FANK1: variants seen among roughly 807,000 people sequenced by gnomAD.
FANK1 encodes the protein fibronectin type III and ankyrin repeat domains 1, also known as fibronectin type 3 and ankyrin repeat domains protein 1.
A neutral mutation model predicts 45.3 loss-of-function variants in FANK1; 44 were observed. The observed-to-expected ratio is 0.97, with a 90% confidence interval of 0.76 to 1.25. The LOEUF is 1.25. Among genes scored for constraint, FANK1 ranks in the 50% most tolerant of loss-of-function variants. The pLI, the probability that FANK1 is intolerant of heterozygous loss-of-function variation, is 0.00. For missense variants in FANK1, 391 were observed against 424.4 expected (o/e 0.92, Z 0.69); for synonymous variants, 149 against 152.5 (o/e 0.98, Z 0.17).
At position 125,983,405 on chromosome 10, in the gene FANK1, T is replaced by A. The variant is rs560411761; in HGVS notation, c.191+3067T>A. ...CTGGGGATACGGCACTGGGAAAAAATTCCTCCCTCATGATGATGAAGGCAA... is the reference window on the plus strand; with the variant it reads ...CTGGGGATACGGCACTGGGAAAAAAATCCTCCCTCATGATGATGAAGGCAA... On this transcript the variant is annotated intron_variant, in intron 2 of 10. Coordinates refer to ENST00000368693, the MANE Select transcript of FANK1 (RefSeq NM_145235.5). The surrounding 1 kb of genome is among the most constrained non-coding windows in gnomAD (Gnocchi z 4.3). 6.6e-6 allele frequency among the ~76,000 whole-genome samples: 1 copy of A among 152,080 alleles called. No homozygotes were observed. Among genetic ancestry groups the A allele is most frequent in the Non-Finnish European group, 1.5e-5 (1 of 68,010 alleles).
intron 1 of FANK1, among the ~76,000 whole-genome samples, chr10:125,896,889 A>T (rs1944575276): frequency 6.6e-6 from 1 of 152,028 alleles, no homozygotes. Flanking sequence ...GGGGGCTGGG[A>T]GCGACTGGAG....
chr10:125,922,583 C>CAGGG lies in FANK1; in HGVS notation c.13+25930_13+25933dup, dbSNP rs1203744608. Among the ~76,000 whole-genome samples the CAGGG allele has an allele frequency of 1.1e-4, 16 of 152,194 alleles. 1 individual carries two copies. The highest frequency in any genetic ancestry group is 1.0e-3 in the Admixed American group (16 of 15,282). On this transcript the variant is annotated intron_variant, in intron 1 of 10. Coordinates refer to ENST00000368693, the MANE Select transcript of FANK1 (RefSeq NM_145235.5). Reference sequence around the variant, plus strand: ...CCAGGCTGGAGCACAGTGGCATGATCAGGGATCACTGCATTCTCAACCGGC... The same window carrying CAGGG: ...CCAGGCTGGAGCACAGTGGCATGATCAGGGAGGGATCACTGCATTCTCAACCGGC...
intron 1 of FANK1, among the ~76,000 whole-genome samples, chr10:125,903,163 T>C (rs2134103060): frequency 6.6e-6 from 1 of 152,426 alleles, no homozygotes; most frequent in South Asian, 2.1e-4. Context: ...TGGGCTTTAC[T>C]TCTTGATGGG....
At chr10:125,896,835 C>A (rs1393583390) in intron 1 of FANK1, among the ~76,000 whole-genome samples, 180 bp downstream of exon 1, 1 of 152,300 alleles carries the variant, frequency 6.6e-6, no homozygotes, top group South Asian at 2.1e-4. Flanking sequence ...CTACATCCTG[C>A]CAAGTCTGTA....
intron 1 of FANK1, among the ~76,000 whole-genome samples, chr10:125,940,479 C>A (rs1948381007): frequency 6.6e-6 from 1 of 152,208 alleles, no homozygotes. Flanking sequence ...TTGCCGCCAG[C>A]ATATCTCGCC....
At chr10:126,006,435 G>A (rs1953207506) in intron 7 of FANK1, among the ~76,000 whole-genome samples, 1 of 152,210 alleles carries the variant, frequency 6.6e-6, no homozygotes, top group Non-Finnish European at 1.5e-5. Flanking sequence ...CCATAGTAGA[G>A]CCGGGCCCAC....
At position 125,983,758 on chromosome 10, in the gene FANK1, T is replaced by G. The variant is rs1951373342; in HGVS notation, c.191+3420T>G. Among the ~76,000 whole-genome samples, 1 of 152,090 alleles carries G rather than the reference T, an allele frequency of 6.6e-6. No individual in the cohort carries two copies. Among genetic ancestry groups the G allele is most frequent in the South Asian group, 2.1e-4 (1 of 4,816 alleles). On this transcript the variant is annotated intron_variant, in intron 2 of 10. Transcript: ENST00000368693. The surrounding 1 kb of genome is among the most constrained non-coding windows in gnomAD (Gnocchi z 4.3). ...GTCATGAGAGGTCACTGCCTGGGCC[T>G]TGAGGGTTATTGGGAGAACTCTGGC... is the stretch of plus-strand genomic sequence containing the variant.
rs746980836 is a variant in FANK1 at position 125,997,456 on chromosome 10, G to GA, written c.512dup (p.Asn171LysfsTer36). 1 of 1,614,000 alleles carries GA rather than the reference G, an allele frequency of 6.2e-7. No homozygotes were observed. Among genetic ancestry groups the GA allele is most frequent in the Admixed American group, 1.7e-5 (1 of 59,992 alleles). On this transcript the variant is annotated frameshift_variant, in exon 6 of 11. Transcript: ENST00000368693. LOFTEE classifies it high-confidence loss of function. Reference sequence around the variant, plus strand: ...TCCTAGTTTCTAATGGCACAGACGTGAATCTGAAGAATGGAAGTGGCAAGG... The same window carrying GA: ...TCCTAGTTTCTAATGGCACAGACGTGAAATCTGAAGAATGGAAGTGGCAAGG...
At chr10:125,909,321 C>T (rs1356404743) in intron 1 of FANK1, among the ~76,000 whole-genome samples, 23 of 152,168 alleles carry the variant, frequency 1.5e-4, no homozygotes, top group Non-Finnish European at 2.4e-4. Flanking sequence ...TGGAGGCTGG[C>T]TGCCACAGAG....
chr10:125,927,791 C>T (rs1274015391), intron 1 of FANK1, among the ~76,000 whole-genome samples: 1 of 152,146 alleles, frequency 6.6e-6, no homozygotes, highest in Non-Finnish European at 1.5e-5. Flanking sequence ...GGTGATCTGC[C>T]TGCCTCAGCC....
intron 3 of FANK1, among the ~76,000 whole-genome samples, chr10:125,991,167 C>T (rs939914713): frequency 1.3e-5 from 2 of 152,104 alleles, no homozygotes; most frequent in Non-Finnish European, 2.9e-5. Flanking sequence ...GTTGGTGCAG[C>T]GCATTTGTCC....
chr10:125,919,922 A>G (rs940180392), intron 1 of FANK1, among the ~76,000 whole-genome samples: 2 of 150,890 alleles, frequency 1.3e-5, no homozygotes, highest in African/African-American at 2.4e-5. Context: ...GCCTATAGTA[A>G]TTCTGGAGTC....
At chr10:125,931,737 T>C (rs1386150497) in intron 1 of FANK1, among the ~76,000 whole-genome samples, 5 of 152,180 alleles carry the variant, frequency 3.3e-5, no homozygotes, top group Admixed American at 3.3e-4. Flanking sequence ...TTTATCTTTG[T>C]TTTTATTGCA....
chr10:125,918,458 A>G (rs529772183), intron 1 of FANK1, among the ~76,000 whole-genome samples: 25 of 149,982 alleles, frequency 1.7e-4, no homozygotes, highest in African/African-American at 4.7e-4. Flanking sequence ...TGGGAGGCTG[A>G]GGCAGGAGAA....
intron 1 of FANK1, among the ~76,000 whole-genome samples, chr10:125,953,494 C>G (rs1377283196): frequency 6.6e-6 from 1 of 152,078 alleles, no homozygotes; most frequent in African/African-American, 2.4e-5. Flanking sequence ...GTCTTAGGCA[C>G]GAGGATCCTA....
intron 1 of FANK1, chr10:125,973,496 G>A: frequency 1.0e-6 from 1 of 982,070 alleles, no homozygotes; most frequent in Non-Finnish European, 1.2e-6. Flanking sequence ...ACAGTAAGAG[G>A]TCAGTGTCTG....
At chr10:125,934,830 C>T (rs1947989170) in intron 1 of FANK1, among the ~76,000 whole-genome samples, 1 of 137,526 alleles carries the variant, frequency 7.3e-6, no homozygotes, top group Non-Finnish European at 1.5e-5. Flanking sequence ...TGGCTGTCCT[C>T]ACAACTCTGA....
intron 1 of FANK1, among the ~76,000 whole-genome samples, chr10:125,959,366 A>G (rs1949774044): frequency 7.3e-6 from 1 of 137,716 alleles, no homozygotes; most frequent in Non-Finnish European, 1.5e-5. Flanking sequence ...AGGAACTGAG[A>G]TCATGCCACT....
intron 1 of FANK1, among the ~76,000 whole-genome samples, chr10:125,974,668 C>A (rs1240532455): frequency 6.6e-6 from 1 of 152,138 alleles, no homozygotes; most frequent in Non-Finnish European, 1.5e-5. Context: ...AGTGGAGGTC[C>A]TTTCAAAGCA....
Sources: gnomAD v4.1 joint callset for allele counts (sites outside exome capture counted in the v4.1 genomes callset) on GRCh38, gnomAD v4.1.1 for gene constraint, Gnocchi (gnomAD v3.1) non-coding constraint, MANE v1.5 for transcripts, NCBI Gene and HGNC (gene_info 2026-07-23, HGNC 2026-07-21) for gene names.